The following CYTH3 variants were observed in gnomAD, a reference collection of about 807,000 sequenced individuals.
CYTH3 encodes the protein cytohesin 3, also known as cytohesin-3.
CYTH3 carries 23 observed loss-of-function variants against 55.1 expected under a neutral mutation model. The observed-to-expected ratio is 0.42, with a 90% CI of 0.30 to 0.59. CYTH3 has a LOEUF of 0.59. CYTH3 is among the 20% of genes least tolerant of loss of function. The pLI is 0.20. For missense variants in CYTH3, 413 were observed against 524.8 expected (o/e 0.79, Z 2.08); for synonymous variants, 249 against 194.9 (o/e 1.28, Z -2.31).
At position 6,261,156 on chromosome 7, in the gene CYTH3, C is replaced by T. The variant is rs771614703; in HGVS notation, c.34+11318G>A. ...AGTGCAGAAAAGTGAGCCCAATCAC[C>T]GGGGCCCCTTTTCTCCTTGAGGGAT... On this transcript the variant is annotated intron_variant, in intron 1 of 12. Coordinates refer to ENST00000350796, the MANE Select transcript of CYTH3 (RefSeq NM_004227.4). 6.6e-5 allele frequency among the ~76,000 whole-genome samples: 10 copies of T among 152,232 alleles called. No individual in the cohort carries two copies. The East Asian group carries it at 7.8e-4, about 12-fold the overall frequency.
chr7:6,200,640 A>G (rs527657312), intron 1 of CYTH3, among the ~76,000 whole-genome samples: 2 of 152,334 alleles, frequency 1.3e-5, no homozygotes, highest in East Asian at 3.9e-4. Flanking sequence ...AACACTGGCA[A>G]AGCATGGGCT....
chr7:6,267,118 T>C (rs1005142705), intron 1 of CYTH3, among the ~76,000 whole-genome samples: 45 of 152,352 alleles, frequency 3.0e-4, no homozygotes, highest in Admixed American at 9.1e-4. Context: ...GTGATGTGCC[T>C]GATCCTGCTT....
intron 1 of CYTH3, among the ~76,000 whole-genome samples, chr7:6,260,174 C>T (rs1182567449): frequency 2.0e-5 from 3 of 151,868 alleles, no homozygotes; most frequent in African/African-American, 7.3e-5. Context: ...TTTGACAAAA[C>T]CTACTTTTAA....
rs1583733348 is a variant in CYTH3, at chr7:6,170,358, C to G, written c.823+177G>C. On this transcript the variant is annotated intron_variant, in intron 9 of 12. Coordinates refer to ENST00000350796, the MANE Select transcript of CYTH3 (RefSeq NM_004227.4). This position sits in a 1 kb window ranked among gnomAD's most constrained non-coding sequence, Gnocchi z 7.8. ...CGGGCATGGCTCTGAGGCCCCGGCT[C>G]GGAGAAGCAGCCGTGGCCATGCAGC... 1.6e-6 allele frequency: 1 copy of G among 618,226 alleles called. No individual in the cohort carries two copies. The highest frequency in any genetic ancestry group is 2.8e-6 in the Non-Finnish European group (1 of 361,982). 38.3% of individuals were successfully genotyped at this position (618,226 alleles called of 1,614,324 possible). A position where few individuals can be genotyped will look rare whatever the true frequency, so the allele number is the denominator to read the frequency against.
rs1201298467 is a variant in CYTH3, at chr7:6,241,982, CAG to C, written c.34+30490_34+30491del. ...TAATAATTATTTCTAAGAGGTAGGA[CAG>C]GGGACAGAATAGTCTCATTCATGCT... is the stretch of plus-strand genomic sequence containing the variant. On this transcript the variant is annotated intron_variant, in intron 1 of 12. Coordinates refer to ENST00000350796, the MANE Select transcript of CYTH3 (RefSeq NM_004227.4). 7.2e-5 allele frequency among the ~76,000 whole-genome samples: 11 copies of C among 152,268 alleles called. No homozygotes were observed. The East Asian group carries it at 1.9e-3, about 27-fold the overall frequency.
intron 1 of CYTH3, among the ~76,000 whole-genome samples, chr7:6,254,106 C>A (rs979081077): frequency 7.2e-5 from 11 of 152,052 alleles, no homozygotes; most frequent in Admixed American, 2.6e-4. Context: ...CACGTGAACC[C>A]GGGAGACGGA....
chr7:6,218,956 C>A (rs1400885718), intron 1 of CYTH3, among the ~76,000 whole-genome samples: 1 of 139,896 alleles, frequency 7.1e-6, no homozygotes, highest in Non-Finnish European at 1.5e-5. Flanking sequence ...AGTGAGCCGA[C>A]ACTGTGCCAC....
intron 1 of CYTH3, among the ~76,000 whole-genome samples, chr7:6,262,147 G>A (rs142020071): frequency 1.3e-4 from 20 of 152,286 alleles, no homozygotes; most frequent in South Asian, 4.2e-4. Context: ...CAGAGTGAAC[G>A]ATGGAGAGGC....
intron 1 of CYTH3, among the ~76,000 whole-genome samples, chr7:6,217,182 A>G (rs58763776): frequency 0.066 from 9,988 of 152,232 alleles, 757 homozygotes; most frequent in African/African-American, 0.19. Flanking sequence ...CCAAAGTGCC[A>G]AGATTACGGG....
At chr7:6,207,187 T>C (rs992025835) in intron 1 of CYTH3, among the ~76,000 whole-genome samples, 8 of 142,192 alleles carry the variant, frequency 5.6e-5, no homozygotes, top group Admixed American at 3.8e-4. Context: ...CTCCACCTCC[T>C]GGGTTCACGC....
chr7:6,269,389 A>C (rs1280459731), intron 1 of CYTH3, among the ~76,000 whole-genome samples: 3 of 152,202 alleles, frequency 2.0e-5, no homozygotes, highest in Non-Finnish European at 4.4e-5. Flanking sequence ...TTTTATTATG[A>C]ACAAGGCTCA....
At chr7:6,248,822 T>C (rs749554855) in intron 1 of CYTH3, among the ~76,000 whole-genome samples, 3 of 152,224 alleles carry the variant, frequency 2.0e-5, no homozygotes, top group Non-Finnish European at 2.9e-5. Context: ...TCCCACTATC[T>C]ATTCTGATTC....
intron 1 of CYTH3, among the ~76,000 whole-genome samples, chr7:6,215,673 A>C (rs1489345071): frequency 6.6e-6 from 1 of 152,200 alleles, no homozygotes; most frequent in Non-Finnish European, 1.5e-5. Context: ...TTCTTCTCAA[A>C]CTTGGCAAAA....
At chr7:6,259,772 T>TATTATATATATATATATAA in intron 1 of CYTH3, among the ~76,000 whole-genome samples, 1 of 30,502 alleles carries the variant, frequency 3.3e-5, no homozygotes, top group South Asian at 1.0e-3. Flanking sequence ...TATATATATA[T>TATTATATATATATATATAA]TATATATATA....
At chr7:6,198,361 G>A (rs752577879) in intron 1 of CYTH3, among the ~76,000 whole-genome samples, 1 of 139,904 alleles carries the variant, frequency 7.1e-6, no homozygotes, top group Non-Finnish European at 1.6e-5. Flanking sequence ...CTAGCTGTTA[G>A]ACCAGCTGTT....
chr7:6,240,990 C>T (rs529190788), intron 1 of CYTH3, among the ~76,000 whole-genome samples: 1 of 151,706 alleles, frequency 6.6e-6, no homozygotes, highest in African/African-American at 2.4e-5. Context: ...GGCATGGTGG[C>T]ATGTGCCTGT....
At chr7:6,182,133 C>T (rs550112499) in intron 4 of CYTH3, among the ~76,000 whole-genome samples, 26 of 152,092 alleles carry the variant, frequency 1.7e-4, no homozygotes, top group African/African-American at 6.3e-4. Flanking sequence ...CTGCAACCTC[C>T]ACCTCCTGGG....
chr7:6,241,873 G>C (rs181545564), intron 1 of CYTH3, among the ~76,000 whole-genome samples: 1 of 152,172 alleles, frequency 6.6e-6, no homozygotes, highest in African/African-American at 2.4e-5. Flanking sequence ...CATGAAAAAG[G>C]TGAGGTGTAA....
intron 1 of CYTH3, among the ~76,000 whole-genome samples, chr7:6,244,220 TG>T (rs1365287907): frequency 2.0e-5 from 3 of 152,046 alleles, no homozygotes; most frequent in East Asian, 1.9e-4. Context: ...CAAAACAGCC[TG>T]GGGGGAAAAA....
Sources: gnomAD v4.1 joint callset for allele counts (sites outside exome capture counted in the v4.1 genomes callset) on GRCh38, gnomAD v4.1.1 for gene constraint, Gnocchi (gnomAD v3.1) non-coding constraint, MANE v1.5 for transcripts, NCBI Gene and HGNC (gene_info 2026-07-23, HGNC 2026-07-21) for gene names.